FBXO25: variants seen among roughly 807,000 people sequenced by gnomAD.
The protein encoded by FBXO25 is F-box only protein 25.
Under a neutral mutation model 51.9 loss-of-function variants are expected in FBXO25, and 45 were observed. The ratio of observed to expected loss-of-function variants is 0.87; its 90% CI spans 0.68 to 1.11. FBXO25 has a LOEUF of 1.11. Ranked by LOEUF, FBXO25 falls within the 50% of genes most tolerant of loss-of-function variation. The pLI is 0.00. For missense variants in FBXO25, 507 were observed against 428.5 expected (o/e 1.18, Z -1.62); for synonymous variants, 199 against 151.0 (o/e 1.32, Z -2.33).
At chr8:420,918 G>C (rs546616194) in intron 2 of FBXO25, among the ~76,000 whole-genome samples, 4 of 152,362 alleles carry the variant, frequency 2.6e-5, no homozygotes, top group African/African-American at 9.6e-5. Context: ...ATAGATGTTT[G>C]TGTATGTGTT....
At chr8:456,383 T>C (rs1216320833) in intron 7 of FBXO25, among the ~76,000 whole-genome samples, 3 of 152,120 alleles carry the variant, frequency 2.0e-5, no homozygotes, top group Admixed American at 2.0e-4. Context: ...CCATATTCTC[T>C]TTTCTATGTG....
intron 7 of FBXO25, among the ~76,000 whole-genome samples, chr8:452,115 C>A (rs1799135896): frequency 6.6e-6 from 1 of 152,140 alleles, no homozygotes; most frequent in East Asian, 1.9e-4. Context: ...CTGCTAAGAT[C>A]CTAGTTACCT....
At chr8:461,576 A>G (rs1016618885) in intron 8 of FBXO25, among the ~76,000 whole-genome samples, 3 of 152,212 alleles carry the variant, frequency 2.0e-5, no homozygotes, top group African/African-American at 7.2e-5. Context: ...CATGGGAATT[A>G]TGGGAACTAC....
chr8:452,306 G>A (rs1799146299), intron 7 of FBXO25, among the ~76,000 whole-genome samples: 1 of 152,226 alleles, frequency 6.6e-6, no homozygotes, highest in African/African-American at 2.4e-5. Context: ...TAAGAGTTAA[G>A]CAAGTTTGTT....
intron 9 of FBXO25, among the ~76,000 whole-genome samples, chr8:466,992 C>T (rs898310565): frequency 6.6e-6 from 1 of 152,104 alleles, no homozygotes; most frequent in Non-Finnish European, 1.5e-5. Context: ...CTTGGTGTAT[C>T]AGTTGCCAGA....
At chr8:458,746 A>G (rs956797308) in intron 8 of FBXO25, among the ~76,000 whole-genome samples, 195 bp downstream of exon 8, 6 of 152,222 alleles carry the variant, frequency 3.9e-5, no homozygotes, top group Middle Eastern at 3.2e-3. Context: ...TTCATATTGA[A>G]TAGAACCATG....
At chr8:414,148 C>T (rs1258799971) in intron 2 of FBXO25, among the ~76,000 whole-genome samples, 1 of 152,146 alleles carries the variant, frequency 6.6e-6, no homozygotes, top group Non-Finnish European at 1.5e-5. Context: ...AATTAATTTT[C>T]CATTTTAGTT....
chr8:451,540 T>C lies in FBXO25; in HGVS notation c.660+87T>C, dbSNP rs1003232372. The C allele has an allele frequency of 1.3e-5, 16 of 1,258,646 alleles. 1 individual carries two copies. Among genetic ancestry groups the C allele is most frequent in the East Asian group, 2.4e-5 (1 of 41,462 alleles). The allele number at this position is 1,258,646 out of a possible 1,614,324, so 78.0% of individuals were successfully genotyped here. ...TCTAAGCATACATGAAAGACTGCTA[T>C]AGCTTTTTGAAAGATTTTCTAATGC... On this transcript the variant is annotated intron_variant, in intron 7 of 9. Transcript: ENST00000350302.
chr8:432,003 G>GT (rs1008870960), intron 3 of FBXO25, among the ~76,000 whole-genome samples: 15 of 151,890 alleles, frequency 9.9e-5, no homozygotes, highest in Non-Finnish European at 1.3e-4. Context: ...GGATACTATG[G>GT]TTTTTTTTAT....
intron 2 of FBXO25, among the ~76,000 whole-genome samples, chr8:428,565 TA>T (rs1282290844): frequency 6.6e-6 from 1 of 152,086 alleles, no homozygotes. Flanking sequence ...ATTGCCATCC[TA>T]ACCATTTTTA....
rs1453706095 is a variant in FBXO25, at chr8:474,946, T to C, written c.*6142T>C. 1 of 437,266 alleles carries C rather than the reference T, an allele frequency of 2.3e-6. No homozygotes were observed. The highest frequency in any genetic ancestry group is 2.1e-5 in the African/African-American group (1 of 48,670). The allele number at this position is 437,266 out of a possible 1,614,324, so 27.1% of individuals were successfully genotyped here. ...ACTTTGTCCCATTCCGTGGATTGCCTTTCACTCTGTTTTGTTCTTTGATGT... is the reference window on the plus strand; with the variant it reads ...ACTTTGTCCCATTCCGTGGATTGCCCTTCACTCTGTTTTGTTCTTTGATGT... On this transcript the variant is annotated 3_prime_UTR_variant, in exon 10 of 10. Transcript: ENST00000350302.
At chr8:443,852 CT>C (rs1268749565) in intron 5 of FBXO25, among the ~76,000 whole-genome samples, 1 of 152,058 alleles carries the variant, frequency 6.6e-6, no homozygotes, top group East Asian at 1.9e-4. Flanking sequence ...CTTGAGAAGT[CT>C]TTTTAAAATT....
At chr8:435,549 A>G (rs1468224714) in intron 4 of FBXO25, 66 bp from the exon 5 acceptor site, 15 of 1,561,120 alleles carry the variant, frequency 9.6e-6, no homozygotes, top group Non-Finnish European at 1.3e-5. Context: ...CGCACAATTA[A>G]TTGACATTAA....
chr8:431,057 ATC>A (rs1394360887), intron 2 of FBXO25, among the ~76,000 whole-genome samples: 1 of 152,314 alleles, frequency 6.6e-6, no homozygotes, highest in East Asian at 1.9e-4. Context: ...TTTTAAAAAA[ATC>A]TCTGTTTTAA....
chr8:467,859 C>G, intron 9 of FBXO25: 5 of 1,586,690 alleles, frequency 3.2e-6, no homozygotes, highest in East Asian at 2.2e-5. Context: ...CTCTCGCTGA[C>G]TTGAGCTTTC....
At chr8:458,955 T>C (rs1281137793) in intron 8 of FBXO25, among the ~76,000 whole-genome samples, 1 of 152,126 alleles carries the variant, frequency 6.6e-6, no homozygotes, top group Non-Finnish European at 1.5e-5. Flanking sequence ...CAGCACTCGG[T>C]AGATGCCGCT....
chr8:410,370 G>T (rs1796417175), intron 1 of FBXO25, among the ~76,000 whole-genome samples: 1 of 151,930 alleles, frequency 6.6e-6, no homozygotes, highest in African/African-American at 2.4e-5. Flanking sequence ...TCAAATGTTT[G>T]TCGTTGAAGT....
chr8:446,517 CTAT>C (rs1798748912), intron 5 of FBXO25, among the ~76,000 whole-genome samples: 1 of 152,148 alleles, frequency 6.6e-6, no homozygotes, highest in Non-Finnish European at 1.5e-5. Flanking sequence ...GCCAGTCCAG[CTAT>C]TATTAGCGAT....
chr8:461,265 C>A (rs1204168515), intron 8 of FBXO25, among the ~76,000 whole-genome samples: 1 of 152,174 alleles, frequency 6.6e-6, no homozygotes, highest in Non-Finnish European at 1.5e-5. Flanking sequence ...ATATTGGCAT[C>A]TGTATTAGTC....
Sources: allele counts gnomAD v4.1 joint callset (sites outside exome capture counted in the v4.1 genomes callset), GRCh38; gene constraint gnomAD v4.1.1; transcripts MANE v1.5; gene names NCBI Gene and HGNC (gene_info 2026-07-23, HGNC 2026-07-21).